Variants in LEPROT observed in about 807,000 individuals in gnomAD.
LEPROT encodes leptin receptor overlapping transcript, also known as leptin receptor gene-related protein.
Under a neutral mutation model 15.4 loss-of-function variants are expected in LEPROT, and 3 were observed. The observed-to-expected ratio is 0.19, with a 90% confidence interval of 0.09 to 0.50. The LOEUF (loss-of-function observed/expected upper bound fraction) is 0.50. LEPROT is among the 20% of genes least tolerant of loss of function. LEPROT has a pLI of 0.97. For missense variants in LEPROT, 137 were observed against 162.2 expected (o/e 0.84, Z 0.84); for synonymous variants, 59 against 57.5 (o/e 1.03, Z -0.12).
chr1:65,428,683 T>C (rs1646426840), intron 2 of LEPROT, among the ~76,000 whole-genome samples: 1 of 152,148 alleles, frequency 6.6e-6, no homozygotes, highest in African/African-American at 2.4e-5. Context: ...TACAGTATTG[T>C]GGTGATATGA....
intron 2 of LEPROT, chr1:65,428,112 G>C (rs1646415241): frequency 6.6e-6 from 1 of 152,418 alleles, no homozygotes; most frequent in Non-Finnish European, 1.5e-5. Flanking sequence ...ATGGCTTGCA[G>C]ATCCTCGTTA....
rs779112533 is a variant in LEPROT, at chr1:65,425,346, TC to T, written c.61del (p.Met22CysfsTer6). 8 of 1,607,082 alleles carry T rather than the reference TC, an allele frequency of 5.0e-6. No individual in the cohort carries two copies. The highest frequency in any genetic ancestry group is 1.7e-5 in the Admixed American group (1 of 57,422). ...SFSGAIGLTFLMLGCALEDYG... is the reference protein window; with the variant it reads ...SFSGAIGLTFXMLGCALEDYG... ...TCAGTGGGGCTATTGGACTGACTTT[TC>T]TTATGCTGGGATGTGCCTTAGAGGA... On this transcript the variant is annotated frameshift_variant, in exon 2 of 4. Coordinates refer to ENST00000371065, the MANE Select transcript of LEPROT (RefSeq NM_017526.5). LOFTEE classifies it high-confidence loss of function.
rs540541624 is a variant in LEPROT at position 65,423,360 on chromosome 1, T to G, written c.17-1943T>G. Among the ~76,000 whole-genome samples the G allele has an allele frequency of 1.5e-3, 233 of 151,930 alleles. 1 individual carries two copies. Among genetic ancestry groups the G allele is most frequent in the Non-Finnish European group, 1.8e-3 (125 of 67,954 alleles). On this transcript the variant is annotated intron_variant, in intron 1 of 3. Transcript: ENST00000371065. ...CTTTAAGAGATTCAGAGGATGTGAT[T>G]CCTGAAAAAAGAGGAAAAAAAAGAC...
intron 1 of LEPROT, among the ~76,000 whole-genome samples, chr1:65,423,353 A>T (rs573594521): frequency 3.9e-5 from 6 of 152,174 alleles, no homozygotes; most frequent in Non-Finnish European, 8.8e-5. Context: ...GATTCAGAGG[A>T]TGTGATTCCT....
intron 2 of LEPROT, among the ~76,000 whole-genome samples, chr1:65,428,438 A>G (rs1646422135): frequency 6.6e-6 from 1 of 152,168 alleles, no homozygotes. Flanking sequence ...GAAGTAGAGA[A>G]TGTCTAAGGG....
chr1:65,421,057 C>T (rs1369596452), intron 1 of LEPROT, among the ~76,000 whole-genome samples: 1 of 152,218 alleles, frequency 6.6e-6, no homozygotes. Context: ...ACAAGGTTTC[C>T]ACTTCTTGAC....
Position 65,433,892 on chromosome 1 carries a change from A to T in LEPROT, c.*1973A>T. On this transcript the variant is annotated 3_prime_UTR_variant, in exon 4 of 4. Transcript: ENST00000371065. ...AATTTCTTGATGTTTTAAAATGGGCAGTTTTGAGCAATAATCTGTCCTAAC... is the reference window on the plus strand; with the variant it reads ...AATTTCTTGATGTTTTAAAATGGGCTGTTTTGAGCAATAATCTGTCCTAAC... 1.0e-6 allele frequency: 1 copy of T among 985,300 alleles called. No homozygotes were observed. The highest frequency in any genetic ancestry group is 1.2e-6 in the Non-Finnish European group (1 of 829,784). 61.0% of individuals were successfully genotyped at this position (985,300 alleles called of 1,614,324 possible).
At chr1:65,429,039 A>G (rs1233448276) in intron 2 of LEPROT, among the ~76,000 whole-genome samples, 1 of 152,170 alleles carries the variant, frequency 6.6e-6, no homozygotes, top group Non-Finnish European at 1.5e-5. Context: ...GGAGTACATC[A>G]TTCTAGGCCC....
intron 2 of LEPROT, among the ~76,000 whole-genome samples, chr1:65,428,842 A>G (rs926221402): frequency 2.0e-5 from 3 of 151,818 alleles, no homozygotes; most frequent in East Asian, 1.9e-4. Flanking sequence ...TTTTTTTTTT[A>G]TAATTGCAAA....
At chr1:65,425,736 G>A (rs954364141) in intron 2 of LEPROT, among the ~76,000 whole-genome samples, 3 of 152,208 alleles carry the variant, frequency 2.0e-5, no homozygotes, top group Non-Finnish European at 4.4e-5. Context: ...AGCACAGTAC[G>A]CTGGAGCTCG....
chr1:65,428,474 A>G (rs1025595876), intron 2 of LEPROT, among the ~76,000 whole-genome samples: 2 of 152,162 alleles, frequency 1.3e-5, no homozygotes, highest in African/African-American at 4.8e-5. Flanking sequence ...TTGTTTGGTG[A>G]TTCTTGAAAC....
chr1:65,434,251 CTG>C lies in LEPROT; in HGVS notation c.*2333_*2334del. On this transcript the variant is annotated 3_prime_UTR_variant, in exon 4 of 4. Transcript: ENST00000371065. ...ATATTAATAGGAAATATTGCTATAT[CTG>C]AATATATAATACAAAAGTTTGATCA... is the stretch of plus-strand genomic sequence containing the variant. 2 of 979,278 alleles carry C rather than the reference CTG, an allele frequency of 2.0e-6. No homozygotes were observed. Among genetic ancestry groups the C allele is most frequent in the Non-Finnish European group, 2.4e-6 (2 of 824,456 alleles). 60.7% of individuals were successfully genotyped at this position (979,278 alleles called of 1,614,324 possible). A position where few individuals can be genotyped will look rare whatever the true frequency, so the allele number is the denominator to read the frequency against.
intron 2 of LEPROT, among the ~76,000 whole-genome samples, chr1:65,427,512 T>A (rs1646402771): frequency 6.6e-6 from 1 of 152,104 alleles, no homozygotes; most frequent in African/African-American, 2.4e-5. Flanking sequence ...TGAGCTGTGA[T>A]CACACCACTG....
chr1:65,429,148 G>A (rs141809520), intron 2 of LEPROT, among the ~76,000 whole-genome samples: 1 of 152,240 alleles, frequency 6.6e-6, no homozygotes, highest in East Asian at 1.9e-4. Flanking sequence ...GTGACCTGGG[G>A]TACATTAGAA....
rs1646497336 is a variant in LEPROT, at chr1:65,432,315, G to A, written c.*396G>A. 2.0e-6 allele frequency: 2 copies of A among 991,844 alleles called. No homozygotes were observed. Among genetic ancestry groups the A allele is most frequent in the Non-Finnish European group, 2.4e-6 (2 of 834,142 alleles). 61.4% of individuals were successfully genotyped at this position (991,844 alleles called of 1,614,324 possible). A position where few individuals can be genotyped will look rare whatever the true frequency, so the allele number is the denominator to read the frequency against. ...GGAAGGCCGGGGTGGATCCCTCTTT[G>A]TGTTGTAGTCCATGCTATTAAAAGT... On this transcript the variant is annotated 3_prime_UTR_variant, in exon 4 of 4. Transcript: ENST00000371065.
In LEPROT at chr1:65,432,244, G is replaced by A. The variant is rs1031007663; in HGVS notation, c.*325G>A. On this transcript the variant is annotated 3_prime_UTR_variant, in exon 4 of 4. Coordinates refer to ENST00000371065, the MANE Select transcript of LEPROT (RefSeq NM_017526.5). ...GCATCGAAACCTTTTGCTTGGGGAT[G>A]TGCTTGGAGAGGCAGATAACGCTGA... The A allele has an allele frequency of 2.0e-6, 2 of 1,010,712 alleles. No homozygotes were observed. Among genetic ancestry groups the A allele is most frequent in the African/African-American group, 1.7e-5 (1 of 57,676 alleles). The allele number at this position is 1,010,712 out of a possible 1,614,324, so 62.6% of individuals were successfully genotyped here.
At chr1:65,426,445 G>A (rs1646371881) in intron 2 of LEPROT, among the ~76,000 whole-genome samples, 1 of 151,966 alleles carries the variant, frequency 6.6e-6, no homozygotes, top group African/African-American at 2.4e-5. Flanking sequence ...TGGAGGAGGG[G>A]GTTATGTTAA....
At position 65,432,853 on chromosome 1, in the gene LEPROT, A is replaced by C; in HGVS notation, c.*934A>C. On this transcript the variant is annotated 3_prime_UTR_variant, in exon 4 of 4. Coordinates refer to ENST00000371065, the MANE Select transcript of LEPROT (RefSeq NM_017526.5). ...GTTAAATATTTGAGATCATATGTTAATTAGTGTAATCATTCCACCTTATAT... is the reference window on the plus strand; with the variant it reads ...GTTAAATATTTGAGATCATATGTTACTTAGTGTAATCATTCCACCTTATAT... 4.4e-6 allele frequency: 3 copies of C among 675,034 alleles called. No individual in the cohort carries two copies. The highest frequency in any genetic ancestry group is 5.5e-6 in the Non-Finnish European group (3 of 546,454). 41.8% of individuals were successfully genotyped at this position (675,034 alleles called of 1,614,324 possible). A position where few individuals can be genotyped will look rare whatever the true frequency, so the allele number is the denominator to read the frequency against.
At chr1:65,431,629 A>G (rs1482355840) in intron 3 of LEPROT, among the ~76,000 whole-genome samples, 174 bp from the exon 4 acceptor site, 1 of 152,244 alleles carries the variant, frequency 6.6e-6, no homozygotes, top group African/African-American at 2.4e-5. Context: ...CAAGCATCAC[A>G]GAAGTAATTA....
Sources: allele counts gnomAD v4.1 joint callset (sites outside exome capture counted in the v4.1 genomes callset), GRCh38; gene constraint gnomAD v4.1.1; transcripts MANE v1.5; gene names NCBI Gene and HGNC (gene_info 2026-07-23, HGNC 2026-07-21).